BLTP1: variants seen among roughly 807,000 people sequenced by gnomAD.
BLTP1 encodes bridge-like lipid transfer protein family member 1, also known as fragile site-associated protein.
the BLTP1 span, among the ~76,000 whole-genome samples, chr4:122,252,728 G>A: frequency 1.3e-5 from 2 of 152,166 alleles, no homozygotes; most frequent in African/African-American, 4.8e-5. Context: ...TGGCGAACTC[G>A]CCACCCTGAA....
At chr4:122,273,639 C>A in the BLTP1 span, among the ~76,000 whole-genome samples, 1 of 151,984 alleles carries the variant, frequency 6.6e-6, no homozygotes, top group Non-Finnish European at 1.5e-5. Context: ...AATTTAATAG[C>A]TTTTATCAGT....
the BLTP1 span, chr4:122,270,327 T>C: frequency 2.0e-6 from 2 of 983,574 alleles, no homozygotes; most frequent in East Asian, 1.1e-4. Flanking sequence ...ATAGTGTGCA[T>C]GGAAGAAGAG....
the BLTP1 span, chr4:122,344,802 T>G: frequency 4.1e-6 from 4 of 984,850 alleles, no homozygotes; most frequent in Non-Finnish European, 3.6e-6. Flanking sequence ...ATTAAATCAG[T>G]AAAAGTTGCT....
chr4:122,197,589 T>C, the BLTP1 span: 1 of 331,324 alleles, frequency 3.0e-6, no homozygotes, highest in African/African-American at 2.2e-5. Context: ...CAGGTGCTGT[T>C]TTTTTTCTTT....
chr4:122,359,615 A>T, the BLTP1 span: 1 of 1,612,664 alleles, frequency 6.2e-7, no homozygotes, highest in Non-Finnish European at 8.5e-7. Context: ...CAATTATTAT[A>T]CATGACGACA....
chr4:122,285,512 T>C, the BLTP1 span, among the ~76,000 whole-genome samples: 1 of 152,160 alleles, frequency 6.6e-6, no homozygotes, highest in Non-Finnish European at 1.5e-5. Context: ...CATTCACAGA[T>C]GCCCCAGTTG....
the BLTP1 span, chr4:122,226,319 A>G: frequency 1.2e-6 from 1 of 802,524 alleles, no homozygotes; most frequent in African/African-American, 1.9e-5. Context: ...ATATTTAGAT[A>G]CTTTTTCACA....
the BLTP1 span, chr4:122,172,455 T>G: frequency 3.0e-6 from 1 of 338,796 alleles, no homozygotes; most frequent in Non-Finnish European, 4.2e-6. Context: ...TAGAATATCA[T>G]TTACTGTAGC....
chr4:122,198,282 G>T, the BLTP1 span: 1 of 985,182 alleles, frequency 1.0e-6, no homozygotes, highest in Non-Finnish European at 1.2e-6. Flanking sequence ...TCTTACTAAG[G>T]CTTGAAGGAA....
chr4:122,312,138 C>G, the BLTP1 span, among the ~76,000 whole-genome samples: 3 of 152,092 alleles, frequency 2.0e-5, no homozygotes, highest in African/African-American at 7.2e-5. Context: ...TGAGCTCAAG[C>G]AATCCTCCCG....
chr4:122,206,632 T>C, the BLTP1 span, among the ~76,000 whole-genome samples: 1 of 151,712 alleles, frequency 6.6e-6, no homozygotes, highest in Admixed American at 6.6e-5. Context: ...CTATAAAAAA[T>C]GGTTAAGTAG....
the BLTP1 span, chr4:122,187,565 T>C: frequency 3.8e-5 from 58 of 1,522,244 alleles, no homozygotes; most frequent in South Asian, 7.3e-4. Context: ...TGTAGAACTT[T>C]TAATTTTTGC....
chr4:122,269,274 A>T, the BLTP1 span, among the ~76,000 whole-genome samples: 2 of 151,636 alleles, frequency 1.3e-5, no homozygotes, highest in African/African-American at 4.8e-5. Flanking sequence ...GTATATAGAG[A>T]TATAGATTAT....
chr4:122,213,045 T>G, the BLTP1 span, among the ~76,000 whole-genome samples: 1 of 152,112 alleles, frequency 6.6e-6, no homozygotes, highest in Non-Finnish European at 1.5e-5. Flanking sequence ...TGGTTTCGGT[T>G]TTTAAGAGAC....
At chr4:122,198,258 T>G in the BLTP1 span, 2 of 983,696 alleles carry the variant, frequency 2.0e-6, no homozygotes, top group Non-Finnish European at 2.4e-6. Flanking sequence ...CCTTATCTAG[T>G]GTTAAAAATA....
the BLTP1 span, chr4:122,234,058 A>C: frequency 6.5e-6 from 1 of 152,970 alleles, no homozygotes; most frequent in Admixed American, 6.5e-5. Flanking sequence ...GGATTTTATT[A>C]AAGTAAAAAA....
At chr4:122,184,367 G>A in the BLTP1 span, among the ~76,000 whole-genome samples, 1 of 152,096 alleles carries the variant, frequency 6.6e-6, no homozygotes, top group African/African-American at 2.4e-5. Flanking sequence ...GGCTGGGTGT[G>A]GTGGCTCACT....
At chr4:122,244,546 A>G in the BLTP1 span, 2 of 350,112 alleles carry the variant, frequency 5.7e-6, no homozygotes, top group Middle Eastern at 1.4e-3. Context: ...CAATAATATA[A>G]TATTACATAT....
the BLTP1 span, among the ~76,000 whole-genome samples, chr4:122,177,633 C>T: frequency 6.6e-6 from 1 of 152,044 alleles, no homozygotes; most frequent in Non-Finnish European, 1.5e-5. Flanking sequence ...TCTTACCTTC[C>T]ACCCCACTCC....
Sources: gnomAD v4.1 joint callset for allele counts (sites outside exome capture counted in the v4.1 genomes callset) on GRCh38, gnomAD v4.1.1 for gene constraint, MANE v1.5 for transcripts, NCBI Gene and HGNC (gene_info 2026-07-23, HGNC 2026-07-21) for gene names.